The following KIF26B variants were observed in gnomAD, a reference collection of about 807,000 sequenced individuals.
KIF26B encodes kinesin-like protein KIF26B.
Under a neutral mutation model 151.2 loss-of-function variants are expected in KIF26B, and 63 were observed. The ratio of observed to expected loss-of-function variants is 0.42; its 90% CI spans 0.34 to 0.51. KIF26B has a LOEUF of 0.51. Ranked by LOEUF, KIF26B falls within the 20% of genes least tolerant of loss-of-function variation. The pLI, the probability that KIF26B is intolerant of heterozygous loss-of-function variation, is 0.07. For missense variants in KIF26B, 2,813 were observed against 2,913.6 expected, an observed-to-expected ratio of 0.97 and a Z score of 0.79; for synonymous variants, 1,357 against 1,262.1, an observed-to-expected ratio of 1.08 and a Z score of -1.59.
chr1:245,692,080 C>G (rs756183245), intron 12 of KIF26B, among the ~76,000 whole-genome samples: 27 of 152,250 alleles, frequency 1.8e-4, no homozygotes, highest in Non-Finnish European at 3.5e-4. Flanking sequence ...TGAGACTATG[C>G]AGATAATTTA....
chr1:245,685,646 A>G lies in KIF26B; in HGVS notation c.2663A>G (p.Asp888Gly). The change falls in exon 12 of 15, where the codon GAC becomes GGC. Residue 888 changes from aspartate to glycine, a missense_variant. By Grantham distance (94) the Asp-to-Gly change is moderately conservative. Coordinates refer to ENST00000407071, the MANE Select transcript of KIF26B (RefSeq NM_018012.4). ...KELTDNEGPP[D>G]FVPIVPALQK... ...CTCACCGACAACGAGGGCCCCCCAG[A>G]CTTTGTCCCTATCGTGCCAGCCCTG... 2 of 1,613,258 alleles carry G rather than the reference A, an allele frequency of 1.2e-6. No individual in the cohort carries two copies. Among genetic ancestry groups the G allele is most frequent in the Non-Finnish European group, 1.7e-6 (2 of 1,179,778 alleles).
intron 5 of KIF26B, among the ~76,000 whole-genome samples, chr1:245,589,750 G>A (rs2103135137): frequency 6.6e-6 from 1 of 152,294 alleles, no homozygotes; most frequent in South Asian, 2.1e-4. Flanking sequence ...ACACCAGACT[G>A]AGTTACTTCT....
chr1:245,360,265 A>G (rs1008422532), intron 2 of KIF26B, among the ~76,000 whole-genome samples: 1 of 152,026 alleles, frequency 6.6e-6, no homozygotes, highest in Admixed American at 6.6e-5. Flanking sequence ...TTAATTGCAA[A>G]AGCGCCAAAT....
rs192782521 is a variant in KIF26B at position 245,310,026 on chromosome 1, C to T, written c.466-56808C>T. 4.8e-5 allele frequency among the ~76,000 whole-genome samples: 7 copies of T among 147,210 alleles called. No homozygotes were observed. The South Asian group carries it at 6.3e-4, about 13-fold the overall frequency. ...ACACTCCATATGCAAAGAGAGGTCA[C>T]GTGATCTTAGGTACTAGTTGTAACA... On this transcript the variant is annotated intron_variant, in intron 2 of 14. Coordinates refer to ENST00000407071, the MANE Select transcript of KIF26B (RefSeq NM_018012.4).
At chr1:245,265,644 G>GTGGC (rs1670731854) in intron 2 of KIF26B, among the ~76,000 whole-genome samples, 1 of 150,032 alleles carries the variant, frequency 6.7e-6, no homozygotes, top group African/African-American at 2.5e-5. Context: ...CTGGAGTGTA[G>GTGGC]TGGCGTGATC....
intron 2 of KIF26B, among the ~76,000 whole-genome samples, chr1:245,306,441 C>T (rs1432398847): frequency 2.0e-5 from 3 of 152,046 alleles, no homozygotes; most frequent in Non-Finnish European, 4.4e-5. Flanking sequence ...GTTCTAAATT[C>T]GATGATGGTT....
chr1:245,426,654 G>T (rs188277058), intron 4 of KIF26B, among the ~76,000 whole-genome samples: 9 of 152,332 alleles, frequency 5.9e-5, no homozygotes, highest in African/African-American at 2.2e-4. Flanking sequence ...GGTTGCCGTA[G>T]TGTTAAAACC....
intron 2 of KIF26B, among the ~76,000 whole-genome samples, chr1:245,177,589 A>G (rs1668832223): frequency 6.6e-6 from 1 of 151,928 alleles, no homozygotes. Context: ...CTGTAGCGCC[A>G]TTATTTACCT....
intron 2 of KIF26B, among the ~76,000 whole-genome samples, chr1:245,235,270 T>C (rs971861466): frequency 5.3e-5 from 8 of 152,166 alleles, no homozygotes; most frequent in African/African-American, 1.9e-4. Flanking sequence ...TTTGTGTCAG[T>C]TCAATAATAT....
At chr1:245,521,138 C>T (rs1037973806) in intron 4 of KIF26B, among the ~76,000 whole-genome samples, 1 of 152,100 alleles carries the variant, frequency 6.6e-6, no homozygotes, top group Non-Finnish European at 1.5e-5. Flanking sequence ...GAGATCAAGA[C>T]CATCCTGGCT....
intron 3 of KIF26B, among the ~76,000 whole-genome samples, chr1:245,410,167 T>TGA (rs1206206951): frequency 6.6e-6 from 1 of 152,180 alleles, no homozygotes. Flanking sequence ...AGCTCCTCTC[T>TGA]GAGTTTCCTT....
chr1:245,686,844 G>A lies in KIF26B; in HGVS notation c.3861G>A (p.Ala1287=), dbSNP rs573495053. The part of the protein sequence containing the change: ...SISSWLSEMS[A]GSEGEQSCHS... The stretch of plus-strand genomic sequence containing the variant: ...GCTCCTGGCTGAGCGAGATGAGCGC[G>A]GGCAGTGAGGGTGAGCAGTCGTGCC... Residue 1287 remains alanine (A), a synonymous_variant, in exon 12 of 15, where the codon GCG becomes GCA. Coordinates refer to ENST00000407071, the MANE Select transcript of KIF26B (RefSeq NM_018012.4). This position sits in a 1 kb window ranked among gnomAD's most constrained non-coding sequence, Gnocchi z 5.6. 1.4e-5 allele frequency: 22 copies of A among 1,613,582 alleles called. No individual in the cohort carries two copies. The highest frequency in any genetic ancestry group is 9.9e-5 in the South Asian group (9 of 91,024).
At chr1:245,235,687 A>G (rs1477451354) in intron 2 of KIF26B, among the ~76,000 whole-genome samples, 1 of 151,958 alleles carries the variant, frequency 6.6e-6, no homozygotes, top group African/African-American at 2.4e-5. Flanking sequence ...GGAGGGAGGA[A>G]GGGAATAAGG....
intron 2 of KIF26B, among the ~76,000 whole-genome samples, chr1:245,341,303 G>GTT (rs34249209): frequency 1.8e-4 from 15 of 82,596 alleles, no homozygotes; most frequent in Non-Finnish European, 4.2e-4. Flanking sequence ...AAAAGATGCA[G>GTT]TTTTTTTTTT....
At chr1:245,259,525 G>T (rs1670595659) in intron 2 of KIF26B, among the ~76,000 whole-genome samples, 1 of 152,184 alleles carries the variant, frequency 6.6e-6, no homozygotes, top group African/African-American at 2.4e-5. Flanking sequence ...ACAGGGGAGA[G>T]AATACTGGGT....
At position 245,687,683 on chromosome 1, in the gene KIF26B, C is replaced by A; in HGVS notation, c.4700C>A (p.Ala1567Asp). The A allele has an allele frequency of 6.3e-7, 1 of 1,580,172 alleles. No individual in the cohort carries two copies. Among genetic ancestry groups the A allele is most frequent in the Non-Finnish European group, 8.6e-7 (1 of 1,163,460 alleles). Residue 1567 changes from alanine (A) to aspartate (D), a missense_variant, in exon 12 of 15, where the codon GCC (alanine) becomes GAC (aspartate). Coordinates refer to ENST00000407071, the MANE Select transcript of KIF26B (RefSeq NM_018012.4). This position sits in a 1 kb window ranked among gnomAD's most constrained non-coding sequence, Gnocchi z 4.9. ...GCTGAGACCAACGGGGTGGGTGCAG[C>A]CTCGGGCACCCCGCCCTCCAAGGCT... ...CAAETNGVGA[A>D]SGTPPSKATL... is the part of the protein sequence containing the mutation.
chr1:245,322,977 T>C (rs1221042690), intron 2 of KIF26B, among the ~76,000 whole-genome samples: 2 of 152,216 alleles, frequency 1.3e-5, no homozygotes, highest in Non-Finnish European at 1.5e-5. Context: ...TTATTGATAC[T>C]ATATTTGGGT....
intron 4 of KIF26B, among the ~76,000 whole-genome samples, chr1:245,489,577 G>C (rs988411286): frequency 6.6e-6 from 1 of 152,128 alleles, no homozygotes; most frequent in African/African-American, 2.4e-5. Context: ...GAAATATTTA[G>C]TTTCAGTGTT....
At chr1:245,645,194 G>A (rs757253059) in intron 9 of KIF26B, among the ~76,000 whole-genome samples, 4 of 151,998 alleles carry the variant, frequency 2.6e-5, no homozygotes, top group Admixed American at 6.6e-5. Context: ...TCAACACGAC[G>A]CCTGTGATTC....
Sources: allele counts gnomAD v4.1 joint callset (sites outside exome capture counted in the v4.1 genomes callset), GRCh38; gene constraint gnomAD v4.1.1; non-coding constraint Gnocchi (gnomAD v3.1); transcripts MANE v1.5; gene names NCBI Gene and HGNC (gene_info 2026-07-23, HGNC 2026-07-21).